TJP1: variants seen among roughly 807,000 people sequenced by gnomAD.
The protein encoded by TJP1 is tight junction protein ZO-1.
TJP1 carries 43 observed loss-of-function variants against 194.2 expected under a neutral mutation model. That is an observed-to-expected ratio of 0.22 (90% CI 0.17 to 0.29). The LOEUF (loss-of-function observed/expected upper bound fraction) is 0.29. Among genes scored for constraint, TJP1 ranks in the 10% least tolerant of loss-of-function variants. The pLI is 1.00. For synonymous variants in TJP1, 801 were observed against 779.0 expected (o/e 1.03, Z -0.47); for missense variants, 1,971 against 2,185.7 (o/e 0.90, Z 1.96).
intron 2 of TJP1, among the ~76,000 whole-genome samples, chr15:29,849,474 C>T (rs899376576): frequency 1.3e-5 from 2 of 150,316 alleles, no homozygotes; most frequent in Non-Finnish European, 3.0e-5. Flanking sequence ...CATGGTGACT[C>T]ATACCTGTAA....
chr15:29,870,970 G>A (rs1366188058), intron 2 of TJP1, among the ~76,000 whole-genome samples: 1 of 152,190 alleles, frequency 6.6e-6, no homozygotes, highest in South Asian at 2.1e-4. Flanking sequence ...GGGAACTGGC[G>A]GCCAGCCCCA....
intron 8 of TJP1, among the ~76,000 whole-genome samples, chr15:29,753,222 G>A (rs539876245): frequency 6.6e-6 from 1 of 152,070 alleles, no homozygotes; most frequent in South Asian, 2.1e-4. Context: ...AGTGGCTCAC[G>A]CCTGTAATCC....
At chr15:29,855,515 C>A (rs1248074681) in intron 2 of TJP1, among the ~76,000 whole-genome samples, 2 of 152,056 alleles carry the variant, frequency 1.3e-5, no homozygotes, top group African/African-American at 4.8e-5. Flanking sequence ...AATATGTCAA[C>A]TATTCCATAT....
At chr15:29,881,219 C>T (rs711357) in intron 2 of TJP1, among the ~76,000 whole-genome samples, 13,080 of 152,248 alleles carry the variant, frequency 0.086, 637 homozygotes, top group Middle Eastern at 0.11. Flanking sequence ...TTTTCACATA[C>T]CTCTTGGCCA....
At chr15:29,829,886 GA>G (rs1396282583) in intron 2 of TJP1, among the ~76,000 whole-genome samples, 1 of 151,714 alleles carries the variant, frequency 6.6e-6, no homozygotes, top group African/African-American at 2.4e-5. Flanking sequence ...ACACTGGAAG[GA>G]AAACTAAGAA....
At position 29,700,348 on chromosome 15, in the gene TJP1, A is replaced by C. The variant is rs578163155; in HGVS notation, c.*1247T>G. 7 of 398,988 alleles carry C rather than the reference A, an allele frequency of 1.8e-5. No homozygotes were observed. The highest frequency in any genetic ancestry group is 1.3e-4 in the South Asian group (1 of 7,856). The allele number at this position is 398,988 out of a possible 1,614,324, so 24.7% of individuals were successfully genotyped here. A position where few individuals can be genotyped will look rare whatever the true frequency, so the allele number is the denominator to read the frequency against. On this transcript the variant is annotated 3_prime_UTR_variant, in exon 28 of 28. Coordinates refer to ENST00000614355, the MANE Select transcript of TJP1 (RefSeq NM_001330239.4). ...GGCACAGCATTGTATCACAAATTAC[A>C]GTAGGGATACTTTGCAAGAATTTAA...
At chr15:29,930,076 A>G (rs1341930701) in intron 2 of TJP1, among the ~76,000 whole-genome samples, 1 of 152,230 alleles carries the variant, frequency 6.6e-6, no homozygotes, top group Non-Finnish European at 1.5e-5. Context: ...TTGATCCAGT[A>G]GTTAAAAACC....
At chr15:29,959,556 C>T (rs752867489) in intron 1 of TJP1, among the ~76,000 whole-genome samples, 5 of 152,104 alleles carry the variant, frequency 3.3e-5, no homozygotes, top group African/African-American at 4.8e-5. Flanking sequence ...AGATGGGATA[C>T]GCTGCCAGGT....
At chr15:29,871,071 T>G (rs1464697266) in intron 2 of TJP1, among the ~76,000 whole-genome samples, 1 of 152,112 alleles carries the variant, frequency 6.6e-6, no homozygotes, top group African/African-American at 2.4e-5. Context: ...CTCTGAATAC[T>G]CCGCTGTGTT....
At chr15:29,796,826 C>A (rs1056487529) in intron 2 of TJP1, among the ~76,000 whole-genome samples, 2 of 152,144 alleles carry the variant, frequency 1.3e-5, no homozygotes, top group African/African-American at 4.8e-5. Context: ...GGCAGACACA[C>A]AGATCAACAG....
At chr15:29,784,789 C>T (rs531084740) in intron 2 of TJP1, among the ~76,000 whole-genome samples, 19 of 152,148 alleles carry the variant, frequency 1.2e-4, no homozygotes, top group Admixed American at 1.2e-3. Context: ...ATATACTGTA[C>T]TTATTTATAA....
chr15:29,750,865 A>G (rs2151434581), intron 8 of TJP1, among the ~76,000 whole-genome samples: 1 of 152,316 alleles, frequency 6.6e-6, no homozygotes, highest in East Asian at 1.9e-4. Context: ...CTAGCTACTA[A>G]TCCCTTTAAA....
chr15:29,742,250 CA>C (rs113630419), intron 9 of TJP1, among the ~76,000 whole-genome samples: 50 of 131,594 alleles, frequency 3.8e-4, no homozygotes, highest in Middle Eastern at 7.4e-3. Context: ...GACTCTGTCT[CA>C]AAAAAAAAAA....
chr15:29,733,472 A>T (rs1363254675), intron 12 of TJP1, among the ~76,000 whole-genome samples, 159 bp from the exon 13 acceptor site: 1 of 152,222 alleles, frequency 6.6e-6, no homozygotes, highest in Non-Finnish European at 1.5e-5. Context: ...TCATCACTGT[A>T]AGAATTGAAA....
chr15:29,802,366 G>GT (rs1426733234), intron 1 of TJP1, among the ~76,000 whole-genome samples: 1 of 152,030 alleles, frequency 6.6e-6, no homozygotes, highest in Admixed American at 6.6e-5. Flanking sequence ...ATTTTAGAAA[G>GT]TAAGTCCCTA....
In TJP1 at chr15:29,822,441, C is replaced by T. The variant is rs1216545650; in HGVS notation, c.-413G>A. The T allele has an allele frequency of 2.0e-6, 2 of 987,248 alleles. No homozygotes were observed. Among genetic ancestry groups the T allele is most frequent in the Non-Finnish European group, 2.4e-6 (2 of 831,390 alleles). The allele number at this position is 987,248 out of a possible 1,614,324, so 61.2% of individuals were successfully genotyped here. A position where few individuals can be genotyped will look rare whatever the true frequency, so the allele number is the denominator to read the frequency against. On this transcript the variant is annotated 5_prime_UTR_variant, in exon 1 of 28. Coordinates refer to ENST00000614355, the MANE Select transcript of TJP1 (RefSeq NM_001330239.4). Reference sequence around the variant, plus strand: ...CCAAGGAACGCGGCGTCCGCTGGCTCAGCCGGCGCCGGCAACTCAGCGGCC... The same window carrying T: ...CCAAGGAACGCGGCGTCCGCTGGCTTAGCCGGCGCCGGCAACTCAGCGGCC...
intron 8 of TJP1, among the ~76,000 whole-genome samples, chr15:29,754,893 CAG>C (rs775831444): frequency 2.9e-4 from 44 of 152,228 alleles, no homozygotes; most frequent in Non-Finnish European, 4.9e-4. Flanking sequence ...CAATATGTGA[CAG>C]AAACTATATA....
intron 2 of TJP1, among the ~76,000 whole-genome samples, chr15:29,862,090 T>G (rs1367946844): frequency 1.3e-5 from 2 of 152,202 alleles, no homozygotes; most frequent in Non-Finnish European, 2.9e-5. Context: ...CATCATCTAT[T>G]GAATTCTTTA....
At chr15:29,846,317 T>G (rs563485565) in intron 2 of TJP1, among the ~76,000 whole-genome samples, 3 of 152,262 alleles carry the variant, frequency 2.0e-5, no homozygotes, top group African/African-American at 7.2e-5. Flanking sequence ...AGTTCTAGGA[T>G]GGCACCATGC....
Sources: gnomAD v4.1 joint callset for allele counts (sites outside exome capture counted in the v4.1 genomes callset) on GRCh38, gnomAD v4.1.1 for gene constraint, MANE v1.5 for transcripts, NCBI Gene and HGNC (gene_info 2026-07-23, HGNC 2026-07-21) for gene names.